The following RIPOR2 variants were observed in gnomAD, a reference collection of about 807,000 sequenced individuals.
RIPOR2 encodes the protein rho family-interacting cell polarization regulator 2.
Under a neutral mutation model 114.5 loss-of-function variants are expected in RIPOR2, and 39 were observed. The observed-to-expected ratio is 0.34, with a 90% CI of 0.26 to 0.44. RIPOR2 has a LOEUF of 0.44. Among genes scored for constraint, RIPOR2 ranks in the 20% least tolerant of loss-of-function variants. RIPOR2 has a pLI of 1.00. For synonymous variants in RIPOR2, 445 were observed against 484.4 expected (o/e 0.92, Z 1.07); for missense variants, 1,007 against 1,255.1 (o/e 0.80, Z 2.99).
At chr6:24,893,972 A>T (rs970559625) in intron 1 of RIPOR2, among the ~76,000 whole-genome samples, 1 of 152,196 alleles carries the variant, frequency 6.6e-6, no homozygotes, top group Admixed American at 6.5e-5. Flanking sequence ...AGATTAAATG[A>T]TCTCCATGTA....
rs1414111318 is a variant in RIPOR2 at position 24,840,784 on chromosome 6, G to A, written c.1858-1512C>T. Reference sequence around the variant, plus strand: ...TCAAGGTGTTTAGCATCCTAGGAATGTGAAGGAGGGAGAAAAGAGAAAGCT... The same window carrying A: ...TCAAGGTGTTTAGCATCCTAGGAATATGAAGGAGGGAGAAAAGAGAAAGCT... On this transcript the variant is annotated intron_variant, in intron 13 of 21. Coordinates refer to ENST00000643898, the MANE Select transcript of RIPOR2 (RefSeq NM_001286445.3). 3.3e-6 allele frequency: 5 copies of A among 1,535,178 alleles called. No homozygotes were observed. The African/African-American group carries it at 4.1e-5, about 13-fold the overall frequency.
chr6:24,994,616 A>T (rs1774966796), intron 1 of RIPOR2, among the ~76,000 whole-genome samples: 1 of 152,182 alleles, frequency 6.6e-6, no homozygotes. Context: ...GTGGGAGAAG[A>T]CATTGGGGTA....
At chr6:24,836,365 T>C (rs1761106909) in intron 14 of RIPOR2, among the ~76,000 whole-genome samples, 1 of 152,206 alleles carries the variant, frequency 6.6e-6, no homozygotes, top group Non-Finnish European at 1.5e-5. Flanking sequence ...GACATGATGT[T>C]CTACTCTGGA....
chr6:24,864,342 A>T (rs78363977), intron 7 of RIPOR2, among the ~76,000 whole-genome samples: 5,429 of 152,256 alleles, frequency 0.036, 254 homozygotes, highest in African/African-American at 0.11. Flanking sequence ...AAAAAATAAT[A>T]AAAAAATTAT....
At chr6:24,944,200 A>G (rs887053466) in intron 1 of RIPOR2, among the ~76,000 whole-genome samples, 1 of 152,186 alleles carries the variant, frequency 6.6e-6, no homozygotes, top group Non-Finnish European at 1.5e-5. Context: ...ACCACTGGCT[A>G]ACCTTAAGGC....
chr6:25,035,632 G>T (rs1411791050), intron 1 of RIPOR2, among the ~76,000 whole-genome samples: 1 of 152,172 alleles, frequency 6.6e-6, no homozygotes, highest in Non-Finnish European at 1.5e-5. Context: ...TCCCAGAGTG[G>T]AGGAGGCCGG....
chr6:24,852,582 T>C lies in RIPOR2; in HGVS notation c.752A>G (p.Gln251Arg). Reference protein sequence around the residue: ...AGFARLCPGDQYEIFMKYGRQ... With the variant: ...AGFARLCPGDRYEIFMKYGRQ... ...GACCAAGACAATACTTACTTCATAT[T>C]GATCTCCAGGACAGAGGCGTGCAAA... Residue 251 changes from glutamine to arginine, a missense_variant, in exon 9 of 22, where the codon CAA becomes CGA. By Grantham distance (43) the Gln-to-Arg change is conservative. Transcript: ENST00000643898. 2 of 1,609,120 alleles carry C rather than the reference T, an allele frequency of 1.2e-6. No homozygotes were observed. The highest frequency in any genetic ancestry group is 4.5e-5 in the East Asian group (2 of 44,608).
At chr6:24,857,156 C>A (rs977551208) in intron 8 of RIPOR2, among the ~76,000 whole-genome samples, 1 of 152,122 alleles carries the variant, frequency 6.6e-6, no homozygotes, top group African/African-American at 2.4e-5. Context: ...GTACTGGCCA[C>A]GGAATTAGCA....
chr6:24,997,883 C>T lies in RIPOR2; in HGVS notation c.76+43968G>A, dbSNP rs188475376. ...TTGTTGGAAATACATCCTCAGTCCC[C>T]ACTCCAGACCTACTGAAACCAAAAC... On this transcript the variant is annotated intron_variant, in intron 1 of 13. Transcript: ENST00000510784. Among the ~76,000 whole-genome samples, 12 of 152,298 alleles carry T rather than the reference C, an allele frequency of 7.9e-5. No individual in the cohort carries two copies. The East Asian group carries it at 2.3e-3, about 29-fold the overall frequency.
chr6:24,905,450 C>A (rs1483233702), intron 1 of RIPOR2, among the ~76,000 whole-genome samples: 1 of 151,786 alleles, frequency 6.6e-6, no homozygotes, highest in African/African-American at 2.4e-5. Flanking sequence ...AAAATGCTGC[C>A]AATAACTTTA....
At chr6:24,899,947 C>T (rs1386882821) in intron 1 of RIPOR2, among the ~76,000 whole-genome samples, 1 of 152,190 alleles carries the variant, frequency 6.6e-6, no homozygotes, top group Admixed American at 6.5e-5. Context: ...AGACACACAG[C>T]TTACCCAGCT....
At chr6:24,997,204 A>T (rs918739306) in intron 1 of RIPOR2, among the ~76,000 whole-genome samples, 3 of 152,220 alleles carry the variant, frequency 2.0e-5, no homozygotes, top group South Asian at 2.1e-4. Flanking sequence ...TTTGTGTTTT[A>T]AAAAACTCCC....
At chr6:24,811,086 T>A (rs144006704) in intron 20 of RIPOR2, among the ~76,000 whole-genome samples, 1 of 152,156 alleles carries the variant, frequency 6.6e-6, no homozygotes, top group Non-Finnish European at 1.5e-5. Context: ...ATTACAGGCA[T>A]GAGCCACCAT....
chr6:24,889,389 A>T (rs572810733), intron 1 of RIPOR2, among the ~76,000 whole-genome samples: 1 of 152,318 alleles, frequency 6.6e-6, no homozygotes, highest in East Asian at 1.9e-4. Flanking sequence ...AGCCTGTGTC[A>T]TGCAGTTTTT....
At position 24,843,061 on chromosome 6, in the gene RIPOR2, G is replaced by A. The variant is rs755613939; in HGVS notation, c.1658C>T (p.Ala553Val). 2.5e-5 allele frequency: 40 copies of A among 1,613,948 alleles called. No homozygotes were observed. The highest frequency in any genetic ancestry group is 3.3e-5 in the South Asian group (3 of 91,084). Residue 553 changes from alanine (A) to valine (V), a missense_variant, in exon 13 of 22, where the codon GCA (alanine) becomes GTA (valine). Physicochemically the swap from Ala to Val is moderately conservative, Grantham distance 64 (BLOSUM62 0). Transcript: ENST00000643898. The part of the protein sequence containing the change: ...TKQLVKRLTS[A>V]EVPMATDRLL... ...CCTGTCTGTGGCCATTGGCACCTCT[G>A]CAGATGTGAGCCTCTTGACCAGCTG...
intron 1 of RIPOR2, among the ~76,000 whole-genome samples, chr6:24,954,800 C>T (rs999303220): frequency 3.9e-5 from 6 of 152,050 alleles, no homozygotes; most frequent in African/African-American, 7.2e-5. Context: ...AAACAGCACA[C>T]GTTGGATTAA....
rs769456887 is a variant in RIPOR2, at chr6:24,873,641, T to C, written c.344+3A>G. Reference sequence around the variant, plus strand: ...AAGTACATTATCAGGTTCAAGTTCTTACTCAAGTCCATTTTTCAAGGCCCT... The same window carrying C: ...AAGTACATTATCAGGTTCAAGTTCTCACTCAAGTCCATTTTTCAAGGCCCT... On this transcript the variant is annotated splice_donor_region_variant and intron_variant, in intron 3 of 21. Coordinates refer to ENST00000643898, the MANE Select transcript of RIPOR2 (RefSeq NM_001286445.3). 2.4e-5 allele frequency: 38 copies of C among 1,611,642 alleles called. No homozygotes were observed. Among genetic ancestry groups the C allele is most frequent in the Non-Finnish European group, 3.0e-5 (35 of 1,179,248 alleles).
At chr6:24,969,754 T>G (rs565575921) in intron 1 of RIPOR2, among the ~76,000 whole-genome samples, 1 of 152,226 alleles carries the variant, frequency 6.6e-6, no homozygotes, top group East Asian at 1.9e-4. Flanking sequence ...GCCACTGCCC[T>G]GCCCCTTACT....
At chr6:24,981,317 C>A (rs759213923) in intron 1 of RIPOR2, among the ~76,000 whole-genome samples, 1 of 152,176 alleles carries the variant, frequency 6.6e-6, no homozygotes, top group Non-Finnish European at 1.5e-5. Flanking sequence ...GCTTACCCTG[C>A]GCACTTTTTC....
Sources: gnomAD v4.1 joint callset for allele counts (sites outside exome capture counted in the v4.1 genomes callset) on GRCh38, gnomAD v4.1.1 for gene constraint, MANE v1.5 for transcripts, NCBI Gene and HGNC (gene_info 2026-07-23, HGNC 2026-07-21) for gene names.